ERMP1: variants seen among roughly 807,000 people sequenced by gnomAD.
ERMP1 encodes the protein Felix-ina.
A neutral mutation model predicts 92.0 loss-of-function variants in ERMP1; 86 were observed. That is an observed-to-expected ratio of 0.93 (90% CI 0.79 to 1.12). The LOEUF (loss-of-function observed/expected upper bound fraction) is 1.12. Among genes scored for constraint, ERMP1 ranks in the 50% most tolerant of loss-of-function variants. The pLI, the probability that ERMP1 is intolerant of heterozygous loss-of-function variation, is 0.00. For synonymous variants in ERMP1, 530 were observed against 412.8 expected (o/e 1.28, Z -3.44); for missense variants, 1,342 against 1,116.3 (o/e 1.20, Z -2.88).
chr9:5,787,185 G>A lies in ERMP1; in HGVS notation c.2674C>T (p.Pro892Ser), dbSNP rs748729945. 4 of 1,614,094 alleles carry A rather than the reference G, an allele frequency of 2.5e-6. No individual in the cohort carries two copies. Among genetic ancestry groups the A allele is most frequent in the Non-Finnish European group, 3.4e-6 (4 of 1,179,982 alleles). Reference protein sequence around the residue: ...LKEKFPDWTFPSAWVCTYDLF... With the variant: ...LKEKFPDWTFSSAWVCTYDLF... Reference sequence around the variant, plus strand: ...TCGTAGGTGCACACCCAGGCAGAGGGAAATGTCCAATCTGGGAACTTTTCC... The same window carrying A: ...TCGTAGGTGCACACCCAGGCAGAGGAAAATGTCCAATCTGGGAACTTTTCC... The change falls in exon 15 of 15, where the codon CCC becomes TCC. Residue 892 changes from proline (P) to serine (S), a missense_variant. By Grantham distance (74) the Pro-to-Ser change is moderately conservative. Coordinates refer to ENST00000339450, the MANE Select transcript of ERMP1 (RefSeq NM_024896.3).
chr9:5,790,071 G>T (rs554391395), intron 13 of ERMP1, among the ~76,000 whole-genome samples: 3 of 151,390 alleles, frequency 2.0e-5, no homozygotes, highest in Non-Finnish European at 4.4e-5. Context: ...AATGTTACAT[G>T]TTGTAATAAA....
intron 6 of ERMP1, among the ~76,000 whole-genome samples, chr9:5,839,862 T>C (rs1173714447): frequency 1.3e-5 from 2 of 152,196 alleles, no homozygotes; most frequent in African/African-American, 2.4e-5. Context: ...CTGAGGACCA[T>C]GTAATATGAG....
Position 5,786,232 on chromosome 9 carries a change from A to G in ERMP1, c.*912T>C, listed in dbSNP as rs1041768304. On this transcript the variant is annotated 3_prime_UTR_variant, in exon 15 of 15. Transcript: ENST00000339450. Reference sequence around the variant, plus strand: ...ACAAGACTCCTATGAAACAAAGAAAAGAGAATAAATATTTATAAAATTCCC... The same window carrying G: ...ACAAGACTCCTATGAAACAAAGAAAGGAGAATAAATATTTATAAAATTCCC... 3.3e-5 allele frequency: 5 copies of G among 152,236 alleles called. No individual in the cohort carries two copies. Among genetic ancestry groups the G allele is most frequent in the Non-Finnish European group, 7.3e-5 (5 of 68,054 alleles). 9.4% of individuals were successfully genotyped at this position (152,236 alleles called of 1,614,324 possible). A position where few individuals can be genotyped will look rare whatever the true frequency, so the allele number is the denominator to read the frequency against.
At chr9:5,816,658 T>C (rs1201286683) in intron 4 of ERMP1, among the ~76,000 whole-genome samples, 1 of 152,138 alleles carries the variant, frequency 6.6e-6, no homozygotes, top group Non-Finnish European at 1.5e-5. Context: ...AAAAGACATT[T>C]ACGAGAATGT....
At position 5,785,917 on chromosome 9, in the gene ERMP1, A is replaced by G. The variant is rs937807818; in HGVS notation, c.*1227T>C. 2.0e-5 allele frequency: 3 copies of G among 152,348 alleles called. No individual in the cohort carries two copies. Among genetic ancestry groups the G allele is most frequent in the Admixed American group, 6.5e-5 (1 of 15,304 alleles). The allele number at this position is 152,348 out of a possible 1,614,324, so 9.4% of individuals were successfully genotyped here. ...ATCTCACCAATGCCCTCACTGCTGG[A>G]ACCAAAAAGCCATGAGAGGTACTGC... On this transcript the variant is annotated 3_prime_UTR_variant, in exon 15 of 15. Transcript: ENST00000339450.
intron 2 of ERMP1, among the ~76,000 whole-genome samples, chr9:5,826,934 T>A (rs768626034): frequency 2.0e-5 from 3 of 152,018 alleles, no homozygotes; most frequent in Non-Finnish European, 2.9e-5. Context: ...TACAGAAGAG[T>A]CAAATATCTT....
At chr9:5,844,890 A>G (rs1830216475) in intron 6 of ERMP1, among the ~76,000 whole-genome samples, 1 of 152,112 alleles carries the variant, frequency 6.6e-6, no homozygotes, top group Non-Finnish European at 1.5e-5. Flanking sequence ...ATTCTTCCCA[A>G]CTGGTCTACC....
intron 4 of ERMP1, among the ~76,000 whole-genome samples, chr9:5,818,097 G>C (rs1829390036): frequency 1.3e-5 from 2 of 150,336 alleles, no homozygotes; most frequent in African/African-American, 4.9e-5. Flanking sequence ...AGGAGCTGGA[G>C]AACTGTGAGC....
At chr9:5,836,903 G>A (rs1407352387), upstream of ERMP1, among the ~76,000 whole-genome samples, 2 of 152,172 alleles carry the variant, frequency 1.3e-5, no homozygotes, top group Admixed American at 6.5e-5. Flanking sequence ...GGAGCCTAGG[G>A]AGAGGGTAAT....
At chr9:5,835,372 G>C (rs1304609579), upstream of ERMP1, among the ~76,000 whole-genome samples, 1 of 152,236 alleles carries the variant, frequency 6.6e-6, no homozygotes, top group East Asian at 1.9e-4. Context: ...ATGTGTGTGT[G>C]TGTATAAAAT....
intron 6 of ERMP1, among the ~76,000 whole-genome samples, chr9:5,849,567 A>G (rs374779207): frequency 2.0e-5 from 3 of 152,176 alleles, no homozygotes; most frequent in Non-Finnish European, 4.4e-5. Context: ...GACATTTCCC[A>G]TAAACAAAGT....
chr9:5,803,604 A>T (rs1019249976), intron 10 of ERMP1, among the ~76,000 whole-genome samples: 2 of 152,206 alleles, frequency 1.3e-5, no homozygotes, highest in Admixed American at 6.5e-5. Flanking sequence ...GTGTGGGGGC[A>T]TTCAGTTCAT....
chr9:5,805,244 C>A (rs1432141545), intron 9 of ERMP1, 27 bp from the exon 10 acceptor site: 15 of 1,549,694 alleles, frequency 9.7e-6, no homozygotes. Context: ...AAAAAGCACA[C>A]ATCTATGAAA....
At chr9:5,803,208 G>C (rs1286022901) in intron 10 of ERMP1, among the ~76,000 whole-genome samples, 9 of 152,070 alleles carry the variant, frequency 5.9e-5, no homozygotes. Context: ...CTATTAATAA[G>C]CCACTATCAT....
At chr9:5,860,914 C>A (rs992603268) in intron 5 of ERMP1, among the ~76,000 whole-genome samples, 1 of 152,034 alleles carries the variant, frequency 6.6e-6, no homozygotes, top group Non-Finnish European at 1.5e-5. Flanking sequence ...CCACCTCCAC[C>A]CTCTCTCACT....
At chr9:5,835,397 T>G (rs368506432), upstream of ERMP1, among the ~76,000 whole-genome samples, 1 of 152,028 alleles carries the variant, frequency 6.6e-6, no homozygotes, top group Non-Finnish European at 1.5e-5. Context: ...GAGAGTTAAG[T>G]GCCATAAAGA....
chr9:5,814,782 T>C (rs1280700837), intron 4 of ERMP1, among the ~76,000 whole-genome samples: 1 of 152,112 alleles, frequency 6.6e-6, no homozygotes, highest in Non-Finnish European at 1.5e-5. Flanking sequence ...AGGGACCCTA[T>C]AGAAACAGAC....
chr9:5,802,666 G>A (rs1039816198), intron 10 of ERMP1, among the ~76,000 whole-genome samples: 10 of 152,174 alleles, frequency 6.6e-5, no homozygotes, highest in Admixed American at 5.2e-4. Context: ...GATTACAGGC[G>A]TGAGCCACCA....
rs775880344 is a variant in ERMP1, at chr9:5,784,619, CTCAG to C, written c.*2521_*2524del. 2 of 152,590 alleles carry C rather than the reference CTCAG, an allele frequency of 1.3e-5. No individual in the cohort carries two copies. Among genetic ancestry groups the C allele is most frequent in the African/African-American group, 4.8e-5 (2 of 41,426 alleles). The allele number at this position is 152,590 out of a possible 1,614,324, so 9.5% of individuals were successfully genotyped here. Reference sequence around the variant, plus strand: ...TAACATTGTAAGGCAACAATTAATCCTCAGTAAGTCAGCAAACCAGTGACAAGAA... The same window carrying C: ...TAACATTGTAAGGCAACAATTAATCCTAAGTCAGCAAACCAGTGACAAGAA... On this transcript the variant is annotated 3_prime_UTR_variant, in exon 15 of 15. Transcript: ENST00000339450.
Sources: allele counts gnomAD v4.1 joint callset (sites outside exome capture counted in the v4.1 genomes callset), GRCh38; gene constraint gnomAD v4.1.1; transcripts MANE v1.5; gene names NCBI Gene and HGNC (gene_info 2026-07-23, HGNC 2026-07-21).